FOXN3: variants seen among roughly 807,000 people sequenced by gnomAD.
The protein encoded by FOXN3 is forkhead box N3, also known as forkhead box protein N3.
In FOXN3, 7 loss-of-function variants were observed where a neutral mutation model predicts 38.4. The ratio of observed to expected loss-of-function variants is 0.18; its 90% CI spans 0.10 to 0.34. The LOEUF is 0.34. FOXN3 is among the 10% of genes least tolerant of loss of function. The pLI, the probability that FOXN3 is intolerant of heterozygous loss-of-function variation, is 1.00. For missense variants in FOXN3, 456 were observed against 613.4 expected, an observed-to-expected ratio of 0.74 and a Z score of 2.71; for synonymous variants, 230 against 242.2, an observed-to-expected ratio of 0.95 and a Z score of 0.47.
chr14:89,503,522 G>GCTA (rs1488299189), intron 1 of FOXN3, among the ~76,000 whole-genome samples: 5 of 152,230 alleles, frequency 3.3e-5, no homozygotes, highest in Non-Finnish European at 7.3e-5. Flanking sequence ...CTAGCCATAT[G>GCTA]CTACTGGTGC....
chr14:89,442,583 C>A (rs1892409221), intron 1 of FOXN3, among the ~76,000 whole-genome samples: 1 of 152,166 alleles, frequency 6.6e-6, no homozygotes, highest in African/African-American at 2.4e-5. Flanking sequence ...AAGTGAGAGA[C>A]TGATGGATGT....
intron 2 of FOXN3, among the ~76,000 whole-genome samples, chr14:89,368,380 T>C (rs1441481342): frequency 6.9e-6 from 1 of 144,582 alleles, no homozygotes; most frequent in Admixed American, 6.8e-5. Flanking sequence ...CAGTGGCTCA[T>C]ACCTATAATC....
chr14:89,202,372 C>G (rs1009532101), intron 4 of FOXN3, among the ~76,000 whole-genome samples: 1 of 152,236 alleles, frequency 6.6e-6, no homozygotes, highest in African/African-American at 2.4e-5. Context: ...GAATCACACA[C>G]CCGGTCCCAC....
intron 2 of FOXN3, among the ~76,000 whole-genome samples, chr14:89,378,115 C>T (rs1288851812): frequency 6.6e-6 from 1 of 152,218 alleles, no homozygotes; most frequent in Non-Finnish European, 1.5e-5. Context: ...AGCACAGTAA[C>T]ATCATGATAG....
chr14:89,514,345 C>A (rs1894160035), intron 1 of FOXN3, among the ~76,000 whole-genome samples: 1 of 152,226 alleles, frequency 6.6e-6, no homozygotes, highest in African/African-American at 2.4e-5. Context: ...CAGCATCAAT[C>A]AGACTTGAGA....
chr14:89,530,951 TACATATATAC>T (rs1015538234), intron 1 of FOXN3, among the ~76,000 whole-genome samples: 14 of 147,658 alleles, frequency 9.5e-5, no homozygotes, highest in Admixed American at 8.9e-4. Flanking sequence ...ATATTATATA[TACATATATAC>T]ACATATATAA....
chr14:89,396,079 G>A (rs759369), intron 2 of FOXN3, among the ~76,000 whole-genome samples: 13,840 of 152,168 alleles, frequency 0.091, 1,562 homozygotes, highest in African/African-American at 0.26. Context: ...AGACTCATTC[G>A]AAGGCTAAAA....
At chr14:89,476,949 G>A (rs1180822772) in intron 1 of FOXN3, among the ~76,000 whole-genome samples, 1 of 152,124 alleles carries the variant, frequency 6.6e-6, no homozygotes, top group African/African-American at 2.4e-5. Flanking sequence ...CCAGGAGAAG[G>A]GGCAAGAGAA....
intron 4 of FOXN3, among the ~76,000 whole-genome samples, chr14:89,194,376 G>C (rs141853084): frequency 4.0e-4 from 61 of 152,176 alleles, no homozygotes; most frequent in African/African-American, 1.4e-3. Flanking sequence ...TAATCACTCA[G>C]ACCTCTTTCC....
chr14:89,492,690 C>T (rs563419139), intron 1 of FOXN3, among the ~76,000 whole-genome samples: 4 of 152,076 alleles, frequency 2.6e-5, no homozygotes, highest in East Asian at 1.9e-4. Flanking sequence ...CTGGCCTGGG[C>T]GACAAAGTGA....
At chr14:89,206,927 G>A (rs1332580427) in intron 4 of FOXN3, among the ~76,000 whole-genome samples, 1 of 152,046 alleles carries the variant, frequency 6.6e-6, no homozygotes, top group Non-Finnish European at 1.5e-5. Flanking sequence ...AATGTTTAGG[G>A]GAAGAGATTT....
intron 1 of FOXN3, among the ~76,000 whole-genome samples, chr14:89,617,747 C>T (rs1393762643): frequency 1.3e-5 from 2 of 151,914 alleles, no homozygotes; most frequent in East Asian, 3.9e-4. Flanking sequence ...GAAACAACAA[C>T]AAAAAATTAA....
intron 1 of FOXN3, among the ~76,000 whole-genome samples, chr14:89,414,181 G>A (rs1038171398): frequency 2.0e-5 from 3 of 152,074 alleles, no homozygotes; most frequent in Admixed American, 2.0e-4. Flanking sequence ...GCTAGGTGTG[G>A]TGGTGTGTGC....
intron 1 of FOXN3, among the ~76,000 whole-genome samples, chr14:89,511,988 T>C (rs1332938362): frequency 6.6e-6 from 1 of 152,174 alleles, no homozygotes; most frequent in East Asian, 1.9e-4. Context: ...CCTCTCATGA[T>C]GCATGGGGAT....
intron 3 of FOXN3, among the ~76,000 whole-genome samples, chr14:89,330,080 G>C (rs1055285245): frequency 1.6e-4 from 24 of 152,118 alleles, no homozygotes; most frequent in African/African-American, 5.8e-4. Context: ...AGTAAGCCCA[G>C]TTAACTATTT....
intron 4 of FOXN3, among the ~76,000 whole-genome samples, chr14:89,246,814 C>G (rs549528137): frequency 3.7e-4 from 57 of 152,244 alleles, no homozygotes; most frequent in African/African-American, 1.3e-3. Context: ...GCTGGGATTA[C>G]AAGCGTGAGC....
chr14:89,555,746 C>A (rs1055198466), intron 1 of FOXN3, among the ~76,000 whole-genome samples: 9 of 151,636 alleles, frequency 5.9e-5, no homozygotes, highest in African/African-American at 2.2e-4. Flanking sequence ...GCCAAAAGAG[C>A]CAAGGTTTAG....
intron 3 of FOXN3, among the ~76,000 whole-genome samples, chr14:89,304,234 C>T (rs1331351867): frequency 6.6e-6 from 1 of 152,188 alleles, no homozygotes; most frequent in African/African-American, 2.4e-5. Context: ...AAAAATACCA[C>T]TGAAAAGGGA....
intron 1 of FOXN3, among the ~76,000 whole-genome samples, chr14:89,442,332 G>T (rs1405383988): frequency 6.6e-6 from 1 of 152,146 alleles, no homozygotes; most frequent in African/African-American, 2.4e-5. Context: ...AGTTGTCACT[G>T]TAAATTAATG....
Sources: gnomAD v4.1 joint callset for allele counts (sites outside exome capture counted in the v4.1 genomes callset) on GRCh38, gnomAD v4.1.1 for gene constraint, MANE v1.5 for transcripts, NCBI Gene and HGNC (gene_info 2026-07-23, HGNC 2026-07-21) for gene names.